GRIK2: variants seen among roughly 807,000 people sequenced by gnomAD.
The protein encoded by GRIK2 is glutamate receptor ionotropic, kainate 2.
GRIK2 carries 32 observed loss-of-function variants against 100.3 expected under a neutral mutation model. The ratio of observed to expected loss-of-function variants is 0.32; its 90% CI spans 0.24 to 0.43. The LOEUF is 0.43. Among genes scored for constraint, GRIK2 ranks in the 20% least tolerant of loss-of-function variants. GRIK2 has a pLI of 1.00. For missense variants in GRIK2, 843 were observed against 1,114.9 expected, an observed-to-expected ratio of 0.76 and a Z score of 3.47; for synonymous variants, 417 against 389.4, an observed-to-expected ratio of 1.07 and a Z score of -0.83.
At chr6:101,517,503 A>G (rs1200017107) in intron 2 of GRIK2, among the ~76,000 whole-genome samples, 2 of 148,668 alleles carry the variant, frequency 1.3e-5, no homozygotes, top group Non-Finnish European at 2.9e-5. Flanking sequence ...TTACAGAAGA[A>G]GAACATTTGA....
intron 2 of GRIK2, among the ~76,000 whole-genome samples, chr6:101,494,650 G>A (rs1159678527): frequency 6.6e-6 from 1 of 151,626 alleles, no homozygotes; most frequent in East Asian, 1.9e-4. Context: ...TAATACCAGG[G>A]CCAGGCATGG....
At chr6:101,524,074 T>A (rs1472692307) in intron 2 of GRIK2, among the ~76,000 whole-genome samples, 1 of 152,186 alleles carries the variant, frequency 6.6e-6, no homozygotes, top group Non-Finnish European at 1.5e-5. Context: ...TTCAGATCAA[T>A]GAGCTCTGTT....
intron 14 of GRIK2, among the ~76,000 whole-genome samples, chr6:102,007,318 G>A (rs1223272157): frequency 6.6e-6 from 1 of 152,144 alleles, no homozygotes; most frequent in African/African-American, 2.4e-5. Flanking sequence ...AATTCATAGT[G>A]TGAGTTTGAG....
At chr6:101,811,024 C>T (rs1298803111) in intron 9 of GRIK2, among the ~76,000 whole-genome samples, 1 of 152,010 alleles carries the variant, frequency 6.6e-6, no homozygotes, top group Admixed American at 6.6e-5. Context: ...CTTTCTTATG[C>T]TTTCTATTTC....
intron 14 of GRIK2, among the ~76,000 whole-genome samples, chr6:101,955,986 G>C (rs1460681759): frequency 6.6e-6 from 1 of 151,694 alleles, no homozygotes; most frequent in Non-Finnish European, 1.5e-5. Flanking sequence ...TGAAGGTTAG[G>C]TCATTGATAT....
At chr6:101,812,967 TTC>T (rs543332495) in intron 9 of GRIK2, among the ~76,000 whole-genome samples, 7 of 152,010 alleles carry the variant, frequency 4.6e-5, no homozygotes, top group African/African-American at 1.7e-4. Flanking sequence ...GAACCATTGT[TTC>T]TCTCTCTTTC....
At chr6:101,894,776 T>G (rs192297050) in intron 12 of GRIK2, among the ~76,000 whole-genome samples, 1 of 151,370 alleles carries the variant, frequency 6.6e-6, no homozygotes, top group Non-Finnish European at 1.5e-5. Flanking sequence ...CCCATATATG[T>G]TAGGTTTTTT....
chr6:101,438,871 A>T (rs535162885), intron 2 of GRIK2, among the ~76,000 whole-genome samples: 1 of 152,268 alleles, frequency 6.6e-6, no homozygotes, highest in South Asian at 2.1e-4. Flanking sequence ...CAAATTTGTT[A>T]TAAGGCAACA....
intron 2 of GRIK2, among the ~76,000 whole-genome samples, chr6:101,556,709 G>T (rs192446554): frequency 6.6e-6 from 1 of 151,912 alleles, no homozygotes; most frequent in South Asian, 2.1e-4. Flanking sequence ...GCTGTTATTC[G>T]CATTGCACAA....
intron 12 of GRIK2, among the ~76,000 whole-genome samples, chr6:101,908,648 T>A (rs1464719591): frequency 6.6e-6 from 1 of 151,354 alleles, no homozygotes; most frequent in Non-Finnish European, 1.5e-5. Flanking sequence ...TAAAATAATG[T>A]AGGCTAATTT....
At chr6:101,822,748 CT>C (rs1782037182) in intron 10 of GRIK2, among the ~76,000 whole-genome samples, 1 of 151,212 alleles carries the variant, frequency 6.6e-6, no homozygotes. Flanking sequence ...TATATTTTTT[CT>C]TTTTTTTAGG....
At chr6:101,773,503 A>T (rs1303542848) in intron 7 of GRIK2, among the ~76,000 whole-genome samples, 1 of 151,762 alleles carries the variant, frequency 6.6e-6, no homozygotes, top group Non-Finnish European at 1.5e-5. Context: ...AGGAAAAAAA[A>T]AACTAGTGAA....
At chr6:101,412,523 T>G (rs982839282) in intron 2 of GRIK2, among the ~76,000 whole-genome samples, 2 of 152,038 alleles carry the variant, frequency 1.3e-5, no homozygotes, top group African/African-American at 2.4e-5. Context: ...ATGGAAATTT[T>G]AAGATAAATA....
At chr6:101,446,442 A>G (rs1357953837) in intron 2 of GRIK2, among the ~76,000 whole-genome samples, 2 of 151,890 alleles carry the variant, frequency 1.3e-5, no homozygotes, top group East Asian at 1.9e-4. Flanking sequence ...TTTTGTTACA[A>G]TGAATAGATT....
intron 14 of GRIK2, among the ~76,000 whole-genome samples, chr6:101,964,684 C>T (rs1465479442): frequency 6.6e-6 from 1 of 152,158 alleles, no homozygotes; most frequent in African/African-American, 2.4e-5. Context: ...TTTTGTTCTT[C>T]CTGGCATCCC....
At chr6:101,931,379 G>A (rs1360173931) in intron 14 of GRIK2, among the ~76,000 whole-genome samples, 1 of 152,008 alleles carries the variant, frequency 6.6e-6, no homozygotes, top group Non-Finnish European at 1.5e-5. Flanking sequence ...TCTCTATCTT[G>A]TTTTTACTAA....
chr6:101,915,996 G>T (rs1789080366), intron 12 of GRIK2, among the ~76,000 whole-genome samples: 2 of 151,284 alleles, frequency 1.3e-5, no homozygotes, highest in Non-Finnish European at 3.0e-5. Context: ...GATTTAAAGA[G>T]ATAACTTTTT....
intron 2 of GRIK2, among the ~76,000 whole-genome samples, chr6:101,587,502 AGAAT>A (rs1335127581): frequency 6.6e-6 from 1 of 152,102 alleles, no homozygotes; most frequent in Non-Finnish European, 1.5e-5. Flanking sequence ...GCTGAGAGAA[AGAAT>A]GAGGAAGCAG....
At chr6:101,772,877 T>C (rs1778494167) in intron 7 of GRIK2, among the ~76,000 whole-genome samples, 1 of 152,106 alleles carries the variant, frequency 6.6e-6, no homozygotes, top group South Asian at 2.1e-4. Flanking sequence ...TACTTGTTTG[T>C]CCCACTCACA....
Sources: gnomAD v4.1 joint callset for allele counts (sites outside exome capture counted in the v4.1 genomes callset) on GRCh38, gnomAD v4.1.1 for gene constraint, MANE v1.5 for transcripts, NCBI Gene and HGNC (gene_info 2026-07-23, HGNC 2026-07-21) for gene names.